LRP1B: variants seen among roughly 807,000 people sequenced by gnomAD.
The protein encoded by LRP1B is low-density lipoprotein receptor-related protein 1B.
A neutral mutation model predicts 556.6 loss-of-function variants in LRP1B; 217 were observed. That is an observed-to-expected ratio of 0.39 (90% CI 0.35 to 0.44). LRP1B has a LOEUF of 0.44. Ranked by LOEUF, LRP1B falls within the 20% of genes least tolerant of loss-of-function variation. LRP1B has a pLI of 1.00. For missense variants in LRP1B, 5,053 were observed against 5,620.8 expected, an observed-to-expected ratio of 0.90 and a Z score of 3.23; for synonymous variants, 2,047 against 1,865.8, an observed-to-expected ratio of 1.10 and a Z score of -2.50.
At chr2:141,210,418 G>A (rs1038914926) in intron 6 of LRP1B, among the ~76,000 whole-genome samples, 5 of 151,918 alleles carry the variant, frequency 3.3e-5, no homozygotes, top group African/African-American at 1.2e-4. Context: ...TCTTTTCTTT[G>A]TTCACTTTTC....
At chr2:140,905,559 A>G (rs1298946512) in intron 22 of LRP1B, among the ~76,000 whole-genome samples, 2 of 152,094 alleles carry the variant, frequency 1.3e-5, no homozygotes, top group Non-Finnish European at 2.9e-5. Context: ...CTCCCAGCCC[A>G]GTGGGGGTCT....
chr2:140,990,671 G>A (rs1697066582), intron 16 of LRP1B, among the ~76,000 whole-genome samples: 1 of 152,102 alleles, frequency 6.6e-6, no homozygotes, highest in South Asian at 2.1e-4. Flanking sequence ...CACAGCTAAG[G>A]ATTAAACTTC....
At chr2:140,890,816 T>C (rs1052111832) in intron 23 of LRP1B, among the ~76,000 whole-genome samples, 1 of 152,028 alleles carries the variant, frequency 6.6e-6, no homozygotes, top group African/African-American at 2.4e-5. Context: ...CATCTTACAA[T>C]GGTTTTTACT....
At chr2:141,083,723 A>G (rs927485325) in intron 7 of LRP1B, among the ~76,000 whole-genome samples, 1 of 152,146 alleles carries the variant, frequency 6.6e-6, no homozygotes, top group African/African-American at 2.4e-5. Context: ...CTTTATTAGA[A>G]GAGAAAAAGA....
chr2:141,783,152 T>C (rs1239381491), intron 2 of LRP1B, among the ~76,000 whole-genome samples: 1 of 152,068 alleles, frequency 6.6e-6, no homozygotes, highest in East Asian at 1.9e-4. Flanking sequence ...GGCTGAGAGA[T>C]ACAGTCAGCC....
At chr2:141,503,372 T>A (rs1268732759) in intron 2 of LRP1B, among the ~76,000 whole-genome samples, 6 of 151,394 alleles carry the variant, frequency 4.0e-5, no homozygotes, top group Admixed American at 1.3e-4. Flanking sequence ...CCTAACTACT[T>A]CTGATATTCC....
In LRP1B at chr2:140,360,847, A is replaced by G. The variant is rs537951665; in HGVS notation, c.11132-1901T>C. Among the ~76,000 whole-genome samples, 20 of 151,672 alleles carry G rather than the reference A, an allele frequency of 1.3e-4. 1 individual carries two copies. In the South Asian group the frequency reaches 2.9e-3, roughly 22 times the overall value. ...GCAGTTTCTGTTGCTTGCTGTTAAG[A>G]ATGCTAACTTATAGAAACAGTTGCA... On this transcript the variant is annotated intron_variant, in intron 72 of 90. Transcript: ENST00000389484.
intron 3 of LRP1B, among the ~76,000 whole-genome samples, chr2:141,411,213 G>T (rs1267621949): frequency 6.6e-6 from 1 of 151,986 alleles, no homozygotes; most frequent in Non-Finnish European, 1.5e-5. Flanking sequence ...GTTAGGTCTT[G>T]GCATTGTTAG....
intron 7 of LRP1B, among the ~76,000 whole-genome samples, chr2:141,128,015 G>A (rs1223622603): frequency 6.6e-6 from 1 of 152,124 alleles, no homozygotes; most frequent in African/African-American, 2.4e-5. Context: ...TTAGAGACAT[G>A]TTTTTGCTAT....
rs145964353 is a variant in LRP1B at position 141,951,266 on chromosome 2, C to T, written c.83-140865G>A. On this transcript the variant is annotated intron_variant, in intron 1 of 90. Coordinates refer to ENST00000389484, the MANE Select transcript of LRP1B (RefSeq NM_018557.3). Reference sequence around the variant, plus strand: ...AGTTAAGTTCTTTAGTGGTAATTTCCGAGATTTCAGTGCACCCGTTACCCG... The same window carrying T: ...AGTTAAGTTCTTTAGTGGTAATTTCTGAGATTTCAGTGCACCCGTTACCCG... Among the ~76,000 whole-genome samples the T allele has an allele frequency of 1.4e-3, 212 of 151,842 alleles. 3 individuals are homozygous for T. The highest frequency in any genetic ancestry group is 4.8e-3 in the African/African-American group (199 of 41,408).
At chr2:141,959,473 C>G (rs1701345964) in intron 1 of LRP1B, among the ~76,000 whole-genome samples, 1 of 151,910 alleles carries the variant, frequency 6.6e-6, no homozygotes, top group Non-Finnish European at 1.5e-5. Context: ...TTGTGCACAA[C>G]AGAATTACTT....
At chr2:140,307,638 G>T (rs936048801) in intron 83 of LRP1B, among the ~76,000 whole-genome samples, 2 of 151,738 alleles carry the variant, frequency 1.3e-5, no homozygotes, top group Admixed American at 1.3e-4. Context: ...TCCCATTAAA[G>T]GAGCATTAAA....
At chr2:141,422,188 T>A (rs1191306228) in intron 3 of LRP1B, among the ~76,000 whole-genome samples, 1 of 152,146 alleles carries the variant, frequency 6.6e-6, no homozygotes, top group Non-Finnish European at 1.5e-5. Flanking sequence ...GGCAAATGAG[T>A]TGGGCATACA....
At chr2:141,108,912 T>C in intron 7 of LRP1B, among the ~76,000 whole-genome samples, 1 of 148,284 alleles carries the variant, frequency 6.7e-6, no homozygotes, top group East Asian at 1.9e-4. Flanking sequence ...TTTGTAAAAC[T>C]AATGAAATAC....
chr2:141,615,852 A>C (rs762690673), intron 2 of LRP1B, among the ~76,000 whole-genome samples: 8 of 152,204 alleles, frequency 5.3e-5, no homozygotes, highest in Non-Finnish European at 7.3e-5. Flanking sequence ...AGCTGGGTTG[A>C]CTTTAACGGC....
chr2:141,611,502 G>A (rs1320954633), intron 2 of LRP1B, among the ~76,000 whole-genome samples: 2 of 152,074 alleles, frequency 1.3e-5, no homozygotes, highest in South Asian at 2.1e-4. Context: ...TGAAACCTGA[G>A]AAGAAAAGAG....
Position 140,888,960 on chromosome 2 carries a change from CAA to C in LRP1B, c.3767-2627_3767-2626del, listed in dbSNP as rs35546727. Among the ~76,000 whole-genome samples, 220 of 78,014 alleles carry C rather than the reference CAA, an allele frequency of 2.8e-3. 2 individuals carry two copies. The highest frequency in any genetic ancestry group is 6.7e-3 in the African/African-American group (148 of 22,224). 51.2% of individuals were successfully genotyped at this position (78,014 alleles called of 152,430 possible). A position where few individuals can be genotyped will look rare whatever the true frequency, so the allele number is the denominator to read the frequency against. ...CCTGCGCAATAAAGTGAGTCTGTCT[CAA>C]AAAAAAAAAAAAAAAAAACTTGAAA... is the stretch of plus-strand genomic sequence containing the variant. On this transcript the variant is annotated intron_variant, in intron 23 of 90. Coordinates refer to ENST00000389484, the MANE Select transcript of LRP1B (RefSeq NM_018557.3).
intron 41 of LRP1B, among the ~76,000 whole-genome samples, chr2:140,668,752 A>G (rs16844448): frequency 0.062 from 8,410 of 135,192 alleles, 293 homozygotes; most frequent in East Asian, 0.27. Flanking sequence ...TTAGAAATAA[A>G]GTTCAAGTAG....
chr2:142,021,326 GT>G (rs1181064170), intron 1 of LRP1B, among the ~76,000 whole-genome samples: 7 of 152,066 alleles, frequency 4.6e-5, no homozygotes, highest in African/African-American at 1.7e-4. Flanking sequence ...GTGCGTGTGT[GT>G]GTGTGTGTCA....
Sources: gnomAD v4.1 joint callset for allele counts (sites outside exome capture counted in the v4.1 genomes callset) on GRCh38, gnomAD v4.1.1 for gene constraint, MANE v1.5 for transcripts, NCBI Gene and HGNC (gene_info 2026-07-23, HGNC 2026-07-21) for gene names.